The following PTCH2 variants were observed in gnomAD, a reference collection of about 807,000 sequenced individuals.
PTCH2 encodes the protein protein patched homolog 2.
Under a neutral mutation model 117.9 loss-of-function variants are expected in PTCH2, and 96 were observed. The observed-to-expected ratio is 0.81, with a 90% confidence interval of 0.69 to 0.96. PTCH2 has a LOEUF of 0.96. PTCH2 is among the 50% of genes least tolerant of loss of function. The pLI, the probability that PTCH2 is intolerant of heterozygous loss-of-function variation, is 0.00. For missense variants in PTCH2, 1,379 were observed against 1,562.5 expected, an observed-to-expected ratio of 0.88 and a Z score of 1.98; for synonymous variants, 615 against 660.9, an observed-to-expected ratio of 0.93 and a Z score of 1.06.
At chr1:44,824,829 C>G (rs548858381) in intron 19 of PTCH2, among the ~76,000 whole-genome samples, 7 of 152,046 alleles carry the variant, frequency 4.6e-5, no homozygotes, top group Non-Finnish European at 7.4e-5. Context: ...CCTGCCACTA[C>G]GCCTGGCTAA....
In PTCH2 at chr1:44,826,082, G is replaced by A. The variant is rs1207840203; in HGVS notation, c.3114+168C>T. Among the ~76,000 whole-genome samples, 2 of 152,108 alleles carry A rather than the reference G, an allele frequency of 1.3e-5. No individual in the cohort carries two copies. Among genetic ancestry groups the A allele is most frequent in the East Asian group, 3.9e-4 (2 of 5,192 alleles). ...GCTGGTTTCGAACTCCTGACCTCAG[G>A]TGATCCACCTGCCTCGGCCTCCCAA... On this transcript the variant is annotated intron_variant, in intron 19 of 21. Transcript: ENST00000372192. The surrounding 1 kb of genome is among the most constrained non-coding windows in gnomAD (Gnocchi z 5.1).
At chr1:44,840,818 TG>T (rs1332331897) in intron 2 of PTCH2, among the ~76,000 whole-genome samples, 1 of 151,800 alleles carries the variant, frequency 6.6e-6, no homozygotes, top group Non-Finnish European at 1.5e-5. Context: ...CACTTGACCC[TG>T]GGAGGTGGAG....
Position 44,831,352 on chromosome 1 carries a change from C to T in PTCH2, c.618-309G>A, listed in dbSNP as rs1038510553. On this transcript the variant is annotated intron_variant, in intron 5 of 21. Transcript: ENST00000372192. The surrounding 1 kb of genome is among the most constrained non-coding windows in gnomAD (Gnocchi z 4.3). ...CTGTGTGCTTGGTTCTAATATACAA[C>T]CAGCAGGCACATGCCTGTAGCAGGT... 6.6e-6 allele frequency among the ~76,000 whole-genome samples: 1 copy of T among 152,230 alleles called. No homozygotes were observed. The highest frequency in any genetic ancestry group is 2.4e-5 in the African/African-American group (1 of 41,458).
At chr1:44,836,466 T>C (rs893388838) in intron 2 of PTCH2, among the ~76,000 whole-genome samples, 3 of 151,952 alleles carry the variant, frequency 2.0e-5, no homozygotes, top group East Asian at 3.9e-4. Flanking sequence ...TCCCAGCACT[T>C]TGGGAGGCCG....
intron 19 of PTCH2, among the ~76,000 whole-genome samples, chr1:44,825,267 A>G (rs1431544278): frequency 6.6e-6 from 1 of 151,538 alleles, no homozygotes; most frequent in Non-Finnish European, 1.5e-5. Context: ...CCTTCCAAGT[A>G]GCTGGGATTA....
rs2295997 is a variant in PTCH2, at chr1:44,828,080, T to C, written c.1821A>G (p.Glu607=). 295,825 of 1,613,972 alleles carry C rather than the reference T, an allele frequency of 0.18. 27,618 individuals carry two copies. The highest frequency in any genetic ancestry group is 0.26 in the East Asian group (11,596 of 44,872). The change falls in exon 14 of 22, where the codon GAA becomes GAG. Residue 607 remains glutamate, a synonymous_variant. Coordinates refer to ENST00000372192, the MANE Select transcript of PTCH2 (RefSeq NM_003738.5). The part of the protein sequence containing the change: ...TATVQAFTHC[E]ASSQHVVTIL... ...TGGTGACCACATGCTGGCTGCTGGC[T>C]TCACAGTGGGTAAAGGCTTGAACTG... is the stretch of plus-strand genomic sequence containing the variant.
chr1:44,823,445 G>A lies in PTCH2; in HGVS notation c.3115-60C>T. 1.9e-6 allele frequency: 3 copies of A among 1,610,448 alleles called. No individual in the cohort carries two copies. In the South Asian group the frequency reaches 3.3e-5, roughly 18 times the overall value. ...TGCCAGTCATGGCCAGCTCAGCCATGTCCCGAGCTGTATCTGTCTTCAGAG... is the reference window on the plus strand; with the variant it reads ...TGCCAGTCATGGCCAGCTCAGCCATATCCCGAGCTGTATCTGTCTTCAGAG... On this transcript the variant is annotated intron_variant, in intron 19 of 21. Coordinates refer to ENST00000372192, the MANE Select transcript of PTCH2 (RefSeq NM_003738.5). This position sits in a 1 kb window ranked among gnomAD's most constrained non-coding sequence, Gnocchi z 5.1.
Position 44,826,294 on chromosome 1 carries a change from C to A in PTCH2, c.3070G>T (p.Ala1024Ser), listed in dbSNP as rs1557642969. 1 of 1,614,152 alleles carries A rather than the reference C, an allele frequency of 6.2e-7. No homozygotes were observed. Among genetic ancestry groups the A allele is most frequent in the Non-Finnish European group, 8.5e-7 (1 of 1,180,048 alleles). ...LSAIPVVILV[A>S]SVGIGVEFTV... ...AACTCAACGCCAATGCCTACAGAGG[C>A]CACAAGGATCACCACGGGGATGGCA... The change falls in exon 19 of 22, where the codon GCC (alanine) becomes TCC (serine). Residue 1024 changes from alanine (A) to serine (S), a missense_variant. Coordinates refer to ENST00000372192, the MANE Select transcript of PTCH2 (RefSeq NM_003738.5). The surrounding 1 kb of genome is among the most constrained non-coding windows in gnomAD (Gnocchi z 5.1).
chr1:44,841,282 A>G (rs749400965), intron 2 of PTCH2, among the ~76,000 whole-genome samples: 1 of 149,892 alleles, frequency 6.7e-6, no homozygotes, highest in Non-Finnish European at 1.5e-5. Flanking sequence ...GACCCTGGCT[A>G]TTGCCTCAAA....
Position 44,832,019 on chromosome 1 carries a change from A to G in PTCH2, c.481T>C (p.Tyr161His). 6.2e-7 allele frequency: 1 copy of G among 1,613,704 alleles called. No individual in the cohort carries two copies. Among genetic ancestry groups the G allele is most frequent in the Non-Finnish European group, 8.5e-7 (1 of 1,179,658 alleles). ...TCAATAAGGGGAACTCCTGACTTGTAGCAGATTTTGTTCAAATCCCAGGAC... is the reference window on the plus strand; with the variant it reads ...TCAATAAGGGGAACTCCTGACTTGTGGCAGATTTTGTTCAAATCCCAGGAC... ...GKSWDLNKIC[Y>H]KSGVPLIENG... Residue 161 changes from tyrosine (Y) to histidine (H), a missense_variant, in exon 4 of 22, where the codon TAC becomes CAC. Tyr to His is a moderately conservative substitution (Grantham distance 83). Coordinates refer to ENST00000372192, the MANE Select transcript of PTCH2 (RefSeq NM_003738.5).
rs1330643186 is a variant in PTCH2 at position 44,827,051 on chromosome 1, C to T, written c.2546G>A (p.Gly849Glu). Reference sequence around the variant, plus strand: ...GTAGAAGAGCTCGGGTGGAATCAGTCCCTCTCTGTCCACCAGCTTCCTTGT... The same window carrying T: ...GTAGAAGAGCTCGGGTGGAATCAGTTCCTCTCTGTCCACCAGCTTCCTTGT... Reference protein sequence around the residue: ...LTTRKLVDREGLIPPELFYMG... With the variant: ...LTTRKLVDREELIPPELFYMG... Residue 849 changes from glycine (G) to glutamate (E), a missense_variant, in exon 17 of 22, where the codon GGA (glycine) becomes GAA (glutamate). Transcript: ENST00000372192. 1.2e-6 allele frequency: 2 copies of T among 1,614,112 alleles called. No homozygotes were observed. Among genetic ancestry groups the T allele is most frequent in the East Asian group, 2.2e-5 (1 of 44,872 alleles).
downstream of PTCH2, chr1:44,820,661 G>A (rs747435195): frequency 7.0e-6 from 5 of 716,308 alleles, no homozygotes; most frequent in Admixed American, 8.0e-5. Context: ...TGTGTCTGAT[G>A]AGGGGGTGCT....
chr1:44,836,420 T>C (rs1653689070), intron 2 of PTCH2, among the ~76,000 whole-genome samples: 1 of 152,032 alleles, frequency 6.6e-6, no homozygotes, highest in African/African-American at 2.4e-5. Context: ...AAGACCAGCC[T>C]GGGGGCCGGC....
chr1:44,829,534 C>A lies in PTCH2; in HGVS notation c.1084-1G>T, dbSNP rs771818563. 6.2e-7 allele frequency: 1 copy of A among 1,614,120 alleles called. No homozygotes were observed. The highest frequency in any genetic ancestry group is 8.5e-7 in the Non-Finnish European group (1 of 1,179,986). ...TCTCAGGCAGGGCCTCCTGGGCCAGCTGGAGAAACAGGGTGGATAGGAGGG... is the reference window on the plus strand; with the variant it reads ...TCTCAGGCAGGGCCTCCTGGGCCAGATGGAGAAACAGGGTGGATAGGAGGG... On this transcript the variant is annotated splice_acceptor_variant, in intron 8 of 21. Coordinates refer to ENST00000372192, the MANE Select transcript of PTCH2 (RefSeq NM_003738.5). LOFTEE classifies it high-confidence loss of function.
At chr1:44,828,791 T>TA (rs970578856) in intron 11 of PTCH2, among the ~76,000 whole-genome samples, 160 bp from the exon 12 acceptor site, 2 of 152,226 alleles carry the variant, frequency 1.3e-5, no homozygotes, top group African/African-American at 4.8e-5. Context: ...TGGGCTGTTC[T>TA]AAGCATTCAA....
At chr1:44,834,658 C>G (rs1214265411) in intron 2 of PTCH2, among the ~76,000 whole-genome samples, 1 of 152,114 alleles carries the variant, frequency 6.6e-6, no homozygotes, top group African/African-American at 2.4e-5. Flanking sequence ...AATGGAGCAT[C>G]AAAGAGAATA....
intron 2 of PTCH2, among the ~76,000 whole-genome samples, chr1:44,840,166 G>C (rs908590271): frequency 6.7e-6 from 1 of 149,324 alleles, no homozygotes; most frequent in African/African-American, 2.5e-5. Flanking sequence ...GCAGTGCGGC[G>C]ATCTTGGCTC....
Position 44,827,997 on chromosome 1 carries a change from A to G in PTCH2, c.1904T>C (p.Leu635Pro). ...CCGTGTGGACCCTCCAGGGCTGAAG[A>G]GCTCAGAGCCCAGTGGGTCAGAAGG... Reference protein sequence around the residue: ...PPPSDPLGSELFSPGGSTRDL... With the variant: ...PPPSDPLGSEPFSPGGSTRDL... The change falls in exon 14 of 22, where the codon CTC becomes CCC. Residue 635 changes from leucine to proline, a missense_variant. Transcript: ENST00000372192. The G allele has an allele frequency of 1.9e-6, 3 of 1,614,120 alleles. No homozygotes were observed. The highest frequency in any genetic ancestry group is 2.5e-6 in the Non-Finnish European group (3 of 1,180,018).
In PTCH2 at chr1:44,822,492, CAG is replaced by C. The variant is rs1652950572; in HGVS notation, c.3533_3534del (p.Pro1178ArgfsTer2). The C allele has an allele frequency of 1.9e-6, 3 of 1,613,938 alleles. No individual in the cohort carries two copies. The highest frequency in any genetic ancestry group is 3.3e-5 in the Admixed American group (2 of 60,014). The stretch of plus-strand genomic sequence containing the variant: ...GCAGCAGGGGACCAAGGGGGCTCAT[CAG>C]GGGCTGGATGGATGTAGGCACCAGG... The part of the protein sequence containing the change: ...PLPGAYIHPA[P>X]DEPPWSPAAT... On this transcript the variant is annotated frameshift_variant, in exon 22 of 22. Transcript: ENST00000372192. LOFTEE classifies it low-confidence loss of function (END_TRUNC).
Sources: gnomAD v4.1 joint callset for allele counts (sites outside exome capture counted in the v4.1 genomes callset) on GRCh38, gnomAD v4.1.1 for gene constraint, Gnocchi (gnomAD v3.1) non-coding constraint, MANE v1.5 for transcripts, NCBI Gene and HGNC (gene_info 2026-07-23, HGNC 2026-07-21) for gene names.